The following TRANK1 variants were observed in gnomAD, a reference collection of about 807,000 sequenced individuals.
TRANK1 encodes the protein TPR and ankyrin repeat-containing protein 1.
TRANK1 carries 198 observed loss-of-function variants against 266.0 expected under a neutral mutation model. The observed-to-expected ratio is 0.74, with a 90% confidence interval of 0.66 to 0.84. The LOEUF (loss-of-function observed/expected upper bound fraction) is 0.84, where lower values mean the gene tolerates loss of function less well. TRANK1 is among the 40% of genes least tolerant of loss of function. TRANK1 has a pLI of 0.00. For synonymous variants in TRANK1, 1,396 were observed against 1,384.1 expected, an observed-to-expected ratio of 1.01 and a Z score of -0.19; for missense variants, 3,326 against 3,634.6, an observed-to-expected ratio of 0.92 and a Z score of 2.18.
chr3:36,923,816 T>C (rs886683776), intron 1 of TRANK1, among the ~76,000 whole-genome samples: 6 of 152,214 alleles, frequency 3.9e-5, no homozygotes, highest in South Asian at 2.1e-4. Context: ...ACTGCCCAGA[T>C]TGGGTGAGGG....
At chr3:36,866,053 A>AAAG (rs2079216476) in intron 9 of TRANK1, among the ~76,000 whole-genome samples, 1 of 14,912 alleles carries the variant, frequency 6.7e-5, no homozygotes, top group Admixed American at 6.1e-4. Context: ...ACAGAAAGAA[A>AAAG]AAGAAAGAAA....
intron 8 of TRANK1, among the ~76,000 whole-genome samples, chr3:36,876,195 C>A (rs758535393): frequency 6.6e-6 from 1 of 152,234 alleles, no homozygotes; most frequent in Non-Finnish European, 1.5e-5. Flanking sequence ...TCAGCCTTAC[C>A]AGATTTGATG....
chr3:36,899,250 G>A lies in TRANK1; in HGVS notation c.292C>T (p.Arg98Ter), dbSNP rs9864910. Residue 98 changes from arginine to a stop codon, truncating the protein, a stop_gained, in exon 4 of 24, where the codon CGA becomes TGA. Coordinates refer to ENST00000645898, the MANE Select transcript of TRANK1 (RefSeq NM_001329998.2). LOFTEE classifies it high-confidence loss of function. ...WDPTYVKGYYRAGYSLLRLHQ... is the reference protein window; with the variant it reads ...WDPTYVKGYY ...AACCTCAGCAAGGAATAACCAGCTC[G>A]GTAGTATCCCTGGAACAGGATAAAA... 1.2e-5 allele frequency: 18 copies of A among 1,536,940 alleles called. No individual in the cohort carries two copies. The highest frequency in any genetic ancestry group is 1.4e-5 in the African/African-American group (1 of 72,950).
At chr3:36,928,447 C>A (rs1291442500) in intron 1 of TRANK1, among the ~76,000 whole-genome samples, 1 of 152,176 alleles carries the variant, frequency 6.6e-6, no homozygotes, top group Non-Finnish European at 1.5e-5. Context: ...CCTTCACCAA[C>A]CAGTACTTCA....
intron 17 of TRANK1, 70 bp downstream of exon 17, chr3:36,846,178 C>A: frequency 7.1e-7 from 1 of 1,406,296 alleles, no homozygotes; most frequent in Non-Finnish European, 9.5e-7. Flanking sequence ...ACCTTTTATT[C>A]CTGACCATAA....
chr3:36,875,418 G>C (rs1338584786), intron 8 of TRANK1, among the ~76,000 whole-genome samples: 1 of 152,188 alleles, frequency 6.6e-6, no homozygotes, highest in Non-Finnish European at 1.5e-5. Context: ...GAGAAACTGG[G>C]ATCTCAATCC....
At chr3:36,830,146 C>A (rs2078674542) in intron 22 of TRANK1, among the ~76,000 whole-genome samples, 1 of 152,082 alleles carries the variant, frequency 6.6e-6, no homozygotes, top group Non-Finnish European at 1.5e-5. Context: ...GAAACCACAT[C>A]TTTACTAAAA....
rs1237830715 is a variant in TRANK1, at chr3:36,858,728, T to C, written c.1662A>G (p.Leu554=). ...TPLHAALHIF[L]EIKADIGFSF... The stretch of plus-strand genomic sequence containing the variant: ...AAAACAAGGGCTTACCTTTAATCTC[T>C]AGAAAGATGTGGAGTGCTGCATGCA... Residue 554 remains leucine (L), a synonymous_variant, in exon 12 of 24, where the codon CTA becomes CTG. Coordinates refer to ENST00000645898, the MANE Select transcript of TRANK1 (RefSeq NM_001329998.2). 1.0e-5 allele frequency: 16 copies of C among 1,527,102 alleles called. 1 individual carries two copies. The Middle Eastern group carries it at 5.1e-4, about 48-fold the overall frequency. The allele number at this position is 1,527,102 out of a possible 1,614,324, so 94.6% of individuals were successfully genotyped here.
Position 36,857,104 on chromosome 3 carries a change from T to C in TRANK1, c.2618A>G (p.Gln873Arg). The change falls in exon 13 of 24, where the codon CAG becomes CGG. Residue 873 changes from glutamine to arginine, a missense_variant. Physicochemically the swap from Gln to Arg is conservative, Grantham distance 43. Coordinates refer to ENST00000645898, the MANE Select transcript of TRANK1 (RefSeq NM_001329998.2). The surrounding 1 kb of genome is among the most constrained non-coding windows in gnomAD (Gnocchi z 4.3). ...IQQLGNGEWTQGLQKRLKHLK... is the reference protein window; with the variant it reads ...IQQLGNGEWTRGLQKRLKHLK... Reference sequence around the variant, plus strand: ...GTGCTTCAGTCGCTTCTGCAGGCCCTGGGTCCACTCGCCATTTCCCAGCTG... The same window carrying C: ...GTGCTTCAGTCGCTTCTGCAGGCCCCGGGTCCACTCGCCATTTCCCAGCTG... 1 of 1,614,042 alleles carries C rather than the reference T, an allele frequency of 6.2e-7. No homozygotes were observed. The highest frequency in any genetic ancestry group is 2.2e-5 in the East Asian group (1 of 44,890).
In TRANK1 at chr3:36,926,111, A is replaced by G. The variant is rs748621023; in HGVS notation, c.24-17657T>C. On this transcript the variant is annotated intron_variant, in intron 1 of 23. Coordinates refer to ENST00000645898, the MANE Select transcript of TRANK1 (RefSeq NM_001329998.2). ...CATATACCCCCACACCACAACAACA[A>G]TGTGCTGAGGTACTTTGCGTTTAAC... Among the ~76,000 whole-genome samples, 7 of 152,216 alleles carry G rather than the reference A, an allele frequency of 4.6e-5. No individual in the cohort carries two copies. In the East Asian group the frequency reaches 1.4e-3, roughly 29 times the overall value.
chr3:36,917,727 C>T (rs55852658), intron 1 of TRANK1, among the ~76,000 whole-genome samples: 112 of 152,222 alleles, frequency 7.4e-4, no homozygotes, highest in African/African-American at 2.4e-3. Context: ...TTCCCTATAG[C>T]ATGCATTCTC....
chr3:36,944,895 G>T lies in TRANK1; in HGVS notation c.-86C>A, dbSNP rs571583329. The T allele has an allele frequency of 5.1e-4, 669 of 1,319,056 alleles. 5 individuals are homozygous for T. In the African/African-American group the frequency reaches 9.3e-3, roughly 18 times the overall value. 81.7% of individuals were successfully genotyped at this position (1,319,056 alleles called of 1,614,324 possible). A position where few individuals can be genotyped will look rare whatever the true frequency, so the allele number is the denominator to read the frequency against. Reference sequence around the variant, plus strand: ...GCAGGGCGCGGCGGGCAGTGCGGAAGCCCGAAAGCTACCGGAGCCCGGGGC... The same window carrying T: ...GCAGGGCGCGGCGGGCAGTGCGGAATCCCGAAAGCTACCGGAGCCCGGGGC... On this transcript the variant is annotated 5_prime_UTR_variant, in exon 1 of 24. Transcript: ENST00000645898.
intron 12 of TRANK1, 96 bp downstream of exon 12, chr3:36,858,622 T>C (rs2079091719): frequency 2.2e-6 from 3 of 1,343,112 alleles, no homozygotes; most frequent in Non-Finnish European, 2.9e-6. Flanking sequence ...TTCAGATCAC[T>C]GGTTTACACA....
chr3:36,936,840 G>A (rs2080431758), intron 1 of TRANK1, among the ~76,000 whole-genome samples: 1 of 152,222 alleles, frequency 6.6e-6, no homozygotes. Flanking sequence ...GATGGCTCAC[G>A]CCTGTAATCC....
intron 8 of TRANK1, among the ~76,000 whole-genome samples, chr3:36,876,509 T>C (rs1181928198): frequency 1.3e-5 from 2 of 152,210 alleles, no homozygotes; most frequent in East Asian, 3.8e-4. Context: ...TGACTGAGAT[T>C]GACAAATTGG....
chr3:36,857,160 G>A lies in TRANK1; in HGVS notation c.2562C>T (p.Val854=). Residue 854 remains valine (V), a synonymous_variant, in exon 13 of 24, where the codon GTC becomes GTT. Transcript: ENST00000645898. This position sits in a 1 kb window ranked among gnomAD's most constrained non-coding sequence, Gnocchi z 4.3. ...TGGCAAGGATGATTTTCTTCTTGATGACCTTGGTCATTACCTTACTAGACA... is the reference window on the plus strand; with the variant it reads ...TGGCAAGGATGATTTTCTTCTTGATAACCTTGGTCATTACCTTACTAGACA... ...KKLSSKVMTK[V]IKKKIILAIQ... 1 of 1,613,956 alleles carries A rather than the reference G, an allele frequency of 6.2e-7. No homozygotes were observed. The highest frequency in any genetic ancestry group is 8.5e-7 in the Non-Finnish European group (1 of 1,179,904).
chr3:36,875,434 T>C lies in TRANK1; in HGVS notation c.908-1138A>G, dbSNP rs183197102. 4.1e-3 allele frequency among the ~76,000 whole-genome samples: 629 copies of C among 152,316 alleles called. 7 individuals carry two copies. Among genetic ancestry groups the C allele is most frequent in the Middle Eastern group, 0.01 (3 of 294 alleles). On this transcript the variant is annotated intron_variant, in intron 8 of 23. Transcript: ENST00000645898. The stretch of plus-strand genomic sequence containing the variant: ...AGAAACTGGGATCTCAATCCAACAA[T>C]GGCAAAGAACTGGATTCTTCCACAA...
rs758637366 is a variant in TRANK1, at chr3:36,834,823, G to C, written c.5602C>G (p.Leu1868Val). The C allele has an allele frequency of 3.1e-6, 5 of 1,613,712 alleles. No individual in the cohort carries two copies. The highest frequency in any genetic ancestry group is 4.2e-6 in the Non-Finnish European group (5 of 1,179,812). ...RCFEQIQEFD[L>V]ALKMYCQEEL... ...TCTTGGCAGTACATTTTGAGTGCTAGATCAAATTCCTGAATCTGCTCAAAG... is the reference window on the plus strand; with the variant it reads ...TCTTGGCAGTACATTTTGAGTGCTACATCAAATTCCTGAATCTGCTCAAAG... The change falls in exon 21 of 24, where the codon CTA becomes GTA. Residue 1868 changes from leucine to valine, a missense_variant. Transcript: ENST00000645898.
chr3:36,873,488 C>T (rs540971756), intron 9 of TRANK1, among the ~76,000 whole-genome samples: 1 of 152,280 alleles, frequency 6.6e-6, no homozygotes, highest in African/African-American at 2.4e-5. Flanking sequence ...TATAGGTCTG[C>T]CCATGTTACT....
Sources: gnomAD v4.1 joint callset for allele counts (sites outside exome capture counted in the v4.1 genomes callset) on GRCh38, gnomAD v4.1.1 for gene constraint, Gnocchi (gnomAD v3.1) non-coding constraint, MANE v1.5 for transcripts, NCBI Gene and HGNC (gene_info 2026-07-23, HGNC 2026-07-21) for gene names.